The following IRAK3 variants were observed in gnomAD, a reference collection of about 807,000 sequenced individuals.
IRAK3 encodes the protein interleukin 1 receptor associated kinase 3.
Under a neutral mutation model 56.6 loss-of-function variants are expected in IRAK3, and 57 were observed. The ratio of observed to expected loss-of-function variants is 1.01; its 90% CI spans 0.81 to 1.26. IRAK3 has a LOEUF of 1.26. Ranked by LOEUF, IRAK3 falls within the 50% of genes most tolerant of loss-of-function variation. The pLI is 0.00. For synonymous variants in IRAK3, 258 were observed against 255.7 expected (o/e 1.01, Z -0.09); for missense variants, 703 against 719.0 (o/e 0.98, Z 0.25).
intron 4 of IRAK3, 43 bp downstream of exon 4, chr12:66,210,244 A>G (rs751241950): frequency 5.1e-6 from 6 of 1,176,206 alleles, no homozygotes; most frequent in East Asian, 2.3e-5. Flanking sequence ...TTTTAAAATC[A>G]TACTTTCATT....
intron 1 of IRAK3, among the ~76,000 whole-genome samples, chr12:66,194,582 C>G (rs573760874): frequency 4.5e-4 from 68 of 152,272 alleles, no homozygotes; most frequent in African/African-American, 1.5e-3. Context: ...AATCCCAGCA[C>G]TTTGGGAGGC....
intron 6 of IRAK3, among the ~76,000 whole-genome samples, chr12:66,220,834 A>G (rs1309116912): frequency 6.6e-6 from 1 of 152,004 alleles, no homozygotes; most frequent in Non-Finnish European, 1.5e-5. Flanking sequence ...CTTCTTTCTT[A>G]AACTCACTTA....
intron 8 of IRAK3, chr12:66,234,336 C>T: frequency 3.1e-6 from 5 of 1,612,624 alleles, no homozygotes; most frequent in East Asian, 2.2e-5. Flanking sequence ...GGAGTTAACA[C>T]GGCACCGGGG....
chr12:66,220,606 C>T (rs1309718751), intron 6 of IRAK3, among the ~76,000 whole-genome samples: 8 of 142,438 alleles, frequency 5.6e-5, no homozygotes, highest in Admixed American at 2.8e-4. Flanking sequence ...CTGCAAGCTC[C>T]GCCTCCCGGG....
rs768059387 is a variant in IRAK3, at chr12:66,248,004, A to T, written c.1624A>T (p.Ser542Cys). The change falls in exon 12 of 12, where the codon AGT becomes TGT. Residue 542 changes from serine (S) to cysteine (C), a missense_variant. Physicochemically the swap from Ser to Cys is moderately radical, Grantham distance 112. Transcript: ENST00000261233. Reference sequence around the variant, plus strand: ...CATGCCCAGTTCTTCTTGTGAAGAAAGTTGGTTCCCAAAGTATATAGTTCC... The same window carrying T: ...CATGCCCAGTTCTTCTTGTGAAGAATGTTGGTTCCCAAAGTATATAGTTCC... ...CNMPSSSCEE[S>C]WFPKYIVPSQ... The T allele has an allele frequency of 6.2e-7, 1 of 1,601,428 alleles. No individual in the cohort carries two copies. Among genetic ancestry groups the T allele is most frequent in the African/African-American group, 1.3e-5 (1 of 74,098 alleles).
chr12:66,215,720 T>C (rs140947281), intron 5 of IRAK3, among the ~76,000 whole-genome samples: 13 of 151,702 alleles, frequency 8.6e-5, no homozygotes, highest in Non-Finnish European at 1.6e-4. Flanking sequence ...CTTAAGGTGG[T>C]AAATGAAAGT....
chr12:66,247,917 G>C lies in IRAK3; in HGVS notation c.1537G>C (p.Glu513Gln). 1 of 1,614,218 alleles carries C rather than the reference G, an allele frequency of 6.2e-7. No homozygotes were observed. Residue 513 changes from glutamate to glutamine, a missense_variant, in exon 12 of 12, where the codon GAG becomes CAG. By Grantham distance (29) the Glu-to-Gln change is conservative. Coordinates refer to ENST00000261233, the MANE Select transcript of IRAK3 (RefSeq NM_007199.3). Reference protein sequence around the residue: ...QKTPFECSQSEVMFLSLDKKP... With the variant: ...QKTPFECSQSQVMFLSLDKKP... Reference sequence around the variant, plus strand: ...AACTCCTTTTGAATGCAGCCAGTCTGAGGTTATGTTTCTGAGCTTGGACAA... The same window carrying C: ...AACTCCTTTTGAATGCAGCCAGTCTCAGGTTATGTTTCTGAGCTTGGACAA...
chr12:66,241,840 C>T (rs1158456440), intron 8 of IRAK3, among the ~76,000 whole-genome samples: 2 of 152,226 alleles, frequency 1.3e-5, no homozygotes, highest in African/African-American at 4.8e-5. Flanking sequence ...CAACTCCCTT[C>T]TGCCCAACTT....
At chr12:66,240,600 T>C (rs1464287675) in intron 8 of IRAK3, among the ~76,000 whole-genome samples, 1 of 151,864 alleles carries the variant, frequency 6.6e-6, no homozygotes, top group Admixed American at 6.6e-5. Context: ...GTGAGGGGTG[T>C]CTCAGTGTTG....
At chr12:66,225,275 A>G (rs1394848271) in intron 6 of IRAK3, among the ~76,000 whole-genome samples, 1 of 151,912 alleles carries the variant, frequency 6.6e-6, no homozygotes, top group Non-Finnish European at 1.5e-5. Flanking sequence ...ACTGCTTTTC[A>G]TTTCATAGAT....
At chr12:66,191,360 A>G (rs2052397767) in intron 1 of IRAK3, among the ~76,000 whole-genome samples, 2 of 152,222 alleles carry the variant, frequency 1.3e-5, no homozygotes, top group African/African-American at 4.8e-5. Flanking sequence ...TAGTTGCTAC[A>G]GTTTAACCCA....
chr12:66,204,790 A>G (rs201372960), intron 2 of IRAK3, among the ~76,000 whole-genome samples: 17,090 of 145,162 alleles, frequency 0.12, 1,468 homozygotes, highest in East Asian at 0.37. Context: ...ACACACACAC[A>G]CACACACACA....
chr12:66,229,302 C>T (rs985333729), intron 8 of IRAK3, among the ~76,000 whole-genome samples: 1 of 152,128 alleles, frequency 6.6e-6, no homozygotes, highest in African/African-American at 2.4e-5. Flanking sequence ...GAATCATTCA[C>T]CCAGAGTAAA....
Position 66,214,831 on chromosome 12 carries a change from A to G in IRAK3, c.589-2340A>G, listed in dbSNP as rs557637160. ...ACATGTGTAGCCACTGTTGAGAGTT[A>G]ATGCTGTTAGCCTGGGCAAAGTCAG... On this transcript the variant is annotated intron_variant, in intron 5 of 11. Transcript: ENST00000261233. Among the ~76,000 whole-genome samples, 287 of 152,314 alleles carry G rather than the reference A, an allele frequency of 1.9e-3. 2 individuals are homozygous for G. Among genetic ancestry groups the G allele is most frequent in the Admixed American group, 5.5e-3 (84 of 15,308 alleles).
intron 1 of IRAK3, among the ~76,000 whole-genome samples, chr12:66,200,148 CTATT>C (rs2052492933): frequency 6.6e-6 from 1 of 152,206 alleles, no homozygotes; most frequent in African/African-American, 2.4e-5. Flanking sequence ...TGCTGCCACT[CTATT>C]TAACTCTGTT....
At chr12:66,197,290 T>C in intron 1 of IRAK3, 1 of 1,112,606 alleles carries the variant, frequency 9.0e-7, no homozygotes, top group Non-Finnish European at 1.1e-6. Context: ...TGTATTTTTA[T>C]TTGATATGTA....
intron 6 of IRAK3, among the ~76,000 whole-genome samples, chr12:66,219,426 C>T (rs1165986456): frequency 2.6e-5 from 4 of 152,172 alleles, no homozygotes; most frequent in Non-Finnish European, 4.4e-5. Flanking sequence ...TTTTGTCTGC[C>T]GCCATGTGAG....
chr12:66,191,321 T>C (rs1359052886), intron 1 of IRAK3, among the ~76,000 whole-genome samples: 1 of 152,220 alleles, frequency 6.6e-6, no homozygotes, highest in Non-Finnish European at 1.5e-5. Flanking sequence ...GACAGGTTGC[T>C]ACAGGGGTTC....
intron 1 of IRAK3, among the ~76,000 whole-genome samples, chr12:66,203,345 T>C (rs976831972): frequency 6.6e-6 from 1 of 152,134 alleles, no homozygotes; most frequent in Non-Finnish European, 1.5e-5. Context: ...TTCACTGTCC[T>C]GAAAGACAAG....
Sources: gnomAD v4.1 joint callset for allele counts (sites outside exome capture counted in the v4.1 genomes callset) on GRCh38, gnomAD v4.1.1 for gene constraint, MANE v1.5 for transcripts, NCBI Gene and HGNC (gene_info 2026-07-23, HGNC 2026-07-21) for gene names.